ANKRD50: variants seen among roughly 807,000 people sequenced by gnomAD.
ANKRD50 encodes the protein ankyrin repeat domain-containing protein 50.
In ANKRD50, 40 loss-of-function variants were observed where a neutral mutation model predicts 112.0. The observed-to-expected ratio is 0.36, with a 90% CI of 0.28 to 0.46. The LOEUF (loss-of-function observed/expected upper bound fraction) is 0.46. Among genes scored for constraint, ANKRD50 ranks in the 20% least tolerant of loss-of-function variants. ANKRD50 has a pLI of 1.00. For synonymous variants in ANKRD50, 613 were observed against 619.1 expected, an observed-to-expected ratio of 0.99 and a Z score of 0.15; for missense variants, 1,487 against 1,701.7, an observed-to-expected ratio of 0.87 and a Z score of 2.22.
At chr4:124,693,394 CAGGTGCTTGAAATGATTTTTCTGAAATTA>C (rs1725178489) in intron 2 of ANKRD50, among the ~76,000 whole-genome samples, 1 of 152,022 alleles carries the variant, frequency 6.6e-6, no homozygotes, top group Non-Finnish European at 1.5e-5. Flanking sequence ...CAATAGATGG[CAGGTGCTTGAAATGATTTTTCTGAAATTA>C]TTATATAATT....
At position 124,671,461 on chromosome 4, in the gene ANKRD50, G is replaced by A. The variant is rs777498746; in HGVS notation, c.1816C>T (p.His606Tyr). 1.9e-6 allele frequency: 3 copies of A among 1,613,714 alleles called. No individual in the cohort carries two copies. Among genetic ancestry groups the A allele is most frequent in the Non-Finnish European group, 2.5e-6 (3 of 1,179,828 alleles). Residue 606 changes from histidine (H) to tyrosine (Y), a missense_variant, in exon 4 of 5, where the codon CAT (histidine) becomes TAT (tyrosine). Physicochemically the swap from His to Tyr is moderately conservative, Grantham distance 83. Coordinates refer to ENST00000504087, the MANE Select transcript of ANKRD50 (RefSeq NM_020337.3). ...GCTGTCCAACCATCTTGATCAGTATGATTAATATTTGCTCCACACCCAATC... is the reference window on the plus strand; with the variant it reads ...GCTGTCCAACCATCTTGATCAGTATAATTAATATTTGCTCCACACCCAATC... The part of the protein sequence containing the change: ...CLIGCGANIN[H>Y]TDQDGWTALR...
intron 4 of ANKRD50, among the ~76,000 whole-genome samples, 179 bp downstream of exon 4, chr4:124,668,805 G>A (rs1730555703): frequency 6.6e-6 from 1 of 151,988 alleles, no homozygotes; most frequent in African/African-American, 2.4e-5. Context: ...ACGCAAGGGG[G>A]AAAGGAGTGC....
rs2110508527 is a variant in ANKRD50 at position 124,671,528 on chromosome 4, A to G, written c.1749T>C (p.Thr583=). 1.2e-6 allele frequency: 2 copies of G among 1,613,794 alleles called. No homozygotes were observed. The highest frequency in any genetic ancestry group is 1.7e-6 in the Non-Finnish European group (2 of 1,179,848). ...IEDAHGHTPL[T]LAARQGHTKV... is the part of the protein sequence containing the mutation. ...TGGTATGTCCCTGTCTAGCCGCTAG[A>G]GTGAGTGGTGTATGTCCATGAGCAT... Residue 583 remains threonine (T), a synonymous_variant, in exon 4 of 5, where the codon ACT becomes ACC. Transcript: ENST00000504087.
Position 124,671,481 on chromosome 4 carries a change from CCAAT to C in ANKRD50, c.1792_1795del (p.Ile598GlyfsTer17). On this transcript the variant is annotated frameshift_variant, in exon 4 of 5. Coordinates refer to ENST00000504087, the MANE Select transcript of ANKRD50 (RefSeq NM_020337.3). LOFTEE classifies it high-confidence loss of function. ...AGTATGATTAATATTTGCTCCACAC[CCAAT>C]CAAACAATTAACCACCTTGGTATGT... 1.2e-6 allele frequency: 2 copies of C among 1,613,716 alleles called. No individual in the cohort carries two copies. Among genetic ancestry groups the C allele is most frequent in the Non-Finnish European group, 1.7e-6 (2 of 1,179,826 alleles).
intron 2 of ANKRD50, among the ~76,000 whole-genome samples, chr4:124,681,250 C>T (rs564011048): frequency 6.6e-6 from 1 of 152,296 alleles, no homozygotes; most frequent in South Asian, 2.1e-4. Context: ...CATCCATTAA[C>T]TCATCTGATT....
At chr4:124,668,859 C>G in intron 4 of ANKRD50, 125 bp downstream of exon 4, 1 of 831,392 alleles carries the variant, frequency 1.2e-6, no homozygotes, top group Non-Finnish European at 1.8e-6. Flanking sequence ...TGAGGCAGGT[C>G]TGGCCCAGAT....
rs763275540 is a variant in ANKRD50 at position 124,671,719 on chromosome 4, G to C, written c.1558C>G (p.Gln520Glu). 40 of 1,613,738 alleles carry C rather than the reference G, an allele frequency of 2.5e-5. No individual in the cohort carries two copies. The highest frequency in any genetic ancestry group is 3.4e-5 in the Non-Finnish European group (40 of 1,179,872). Residue 520 changes from glutamine to glutamate, a missense_variant, in exon 4 of 5, where the codon CAA becomes GAA. Transcript: ENST00000504087. Reference sequence around the variant, plus strand: ...ATGGAATCCTCTCTTTCTAAGGCTTGTCGAACTATGCATGATGTGCGATCG... The same window carrying C: ...ATGGAATCCTCTCTTTCTAAGGCTTCTCGAACTATGCATGATGTGCGATCG... ...EDDRTSCIVRQALEREDSIRT... is the reference protein window; with the variant it reads ...EDDRTSCIVREALEREDSIRT...
chr4:124,665,287 C>T lies in ANKRD50; in HGVS notation c.*2231G>A, dbSNP rs1730460723. On this transcript the variant is annotated 3_prime_UTR_variant, in exon 5 of 5. Coordinates refer to ENST00000504087, the MANE Select transcript of ANKRD50 (RefSeq NM_020337.3). ...ACTTACTTTTGAAAATCGTATTTTT[C>T]CAATAGGTTCTCTTCCTACCAATTG... 1 of 152,202 alleles carries T rather than the reference C, an allele frequency of 6.6e-6. No homozygotes were observed. The highest frequency in any genetic ancestry group is 1.5e-5 in the Non-Finnish European group (1 of 67,824). 9.4% of individuals were successfully genotyped at this position (152,202 alleles called of 1,614,324 possible).
At chr4:124,668,277 T>C (rs557261369) in intron 4 of ANKRD50, among the ~76,000 whole-genome samples, 1 of 152,128 alleles carries the variant, frequency 6.6e-6, no homozygotes, top group South Asian at 2.1e-4. Flanking sequence ...AATACCAATA[T>C]TGCAAAAACA....
At chr4:124,695,167 GA>G (rs941401355) in intron 2 of ANKRD50, among the ~76,000 whole-genome samples, 1 of 151,762 alleles carries the variant, frequency 6.6e-6, no homozygotes, top group Non-Finnish European at 1.5e-5. Flanking sequence ...GCAAGAACTA[GA>G]AAAAAAATGA....
Position 124,672,099 on chromosome 4 carries a change from G to A in ANKRD50, c.1178C>T (p.Ser393Phe). ...TCCTAGTCCATCAACAAGAAGTTTG[G>A]AGAGGATATCTAACTTGCGTTGAAA... ...EDFQRKLDILSKLLVDGLGNT... is the reference protein window; with the variant it reads ...EDFQRKLDILFKLLVDGLGNT... Residue 393 changes from serine (S) to phenylalanine (F), a missense_variant, in exon 4 of 5, where the codon TCC becomes TTC. Physicochemically the swap from Ser to Phe is radical, Grantham distance 155. Coordinates refer to ENST00000504087, the MANE Select transcript of ANKRD50 (RefSeq NM_020337.3). 2 of 1,613,872 alleles carry A rather than the reference G, an allele frequency of 1.2e-6. No homozygotes were observed. Among genetic ancestry groups the A allele is most frequent in the Non-Finnish European group, 8.5e-7 (1 of 1,179,860 alleles).
intron 1 of ANKRD50, among the ~76,000 whole-genome samples, chr4:124,711,539 A>AG (rs1165942325): frequency 3.3e-5 from 5 of 152,176 alleles, no homozygotes; most frequent in East Asian, 3.9e-4. Context: ...ATAGCAAAGG[A>AG]GGGGGGGAGA....
chr4:124,709,002 C>T (rs563875048), intron 2 of ANKRD50, among the ~76,000 whole-genome samples: 3 of 150,568 alleles, frequency 2.0e-5, no homozygotes, highest in South Asian at 2.1e-4. Flanking sequence ...TAAAAACAAA[C>T]ATCACTCTTT....
chr4:124,696,216 C>CA (rs990133302), intron 2 of ANKRD50, among the ~76,000 whole-genome samples: 2 of 150,576 alleles, frequency 1.3e-5, no homozygotes, highest in African/African-American at 4.9e-5. Context: ...ATTCTAGAAC[C>CA]AAAAAAAATA....
intron 2 of ANKRD50, among the ~76,000 whole-genome samples, chr4:124,706,285 A>T (rs1186179066): frequency 1.3e-5 from 2 of 152,116 alleles, no homozygotes; most frequent in East Asian, 3.8e-4. Context: ...TTGTCATACA[A>T]ATAAATGAAT....
intron 2 of ANKRD50, among the ~76,000 whole-genome samples, chr4:124,685,531 T>G (rs1260583543): frequency 6.6e-6 from 1 of 152,166 alleles, no homozygotes; most frequent in African/African-American, 2.4e-5. Flanking sequence ...ATTTAGACAG[T>G]CTAAAACAGA....
chr4:124,684,130 C>G (rs76710526), intron 2 of ANKRD50, among the ~76,000 whole-genome samples: 1 of 151,960 alleles, frequency 6.6e-6, no homozygotes, highest in Non-Finnish European at 1.5e-5. Flanking sequence ...GTCAAAGATT[C>G]CTTTTGTTCG....
chr4:124,683,891 A>T (rs1578580886), intron 2 of ANKRD50, among the ~76,000 whole-genome samples: 4 of 128,928 alleles, frequency 3.1e-5, no homozygotes, highest in Non-Finnish European at 3.3e-5. Flanking sequence ...TTTTATATAG[A>T]TAATACATCA....
At chr4:124,707,739 A>G (rs1163951222) in intron 2 of ANKRD50, among the ~76,000 whole-genome samples, 1 of 152,166 alleles carries the variant, frequency 6.6e-6, no homozygotes, top group Non-Finnish European at 1.5e-5. Context: ...CCTTCTGTCA[A>G]TCAGAAAAGC....
Sources: allele counts gnomAD v4.1 joint callset (sites outside exome capture counted in the v4.1 genomes callset), GRCh38; gene constraint gnomAD v4.1.1; transcripts MANE v1.5; gene names NCBI Gene and HGNC (gene_info 2026-07-23, HGNC 2026-07-21).